CHSY3: variants seen among roughly 807,000 people sequenced by gnomAD.
CHSY3 encodes the protein chondroitin sulfate synthase 3.
A neutral mutation model predicts 67.2 loss-of-function variants in CHSY3; 35 were observed. That is an observed-to-expected ratio of 0.52 (90% CI 0.40 to 0.69). The LOEUF is 0.69. CHSY3 is among the 30% of genes least tolerant of loss of function. CHSY3 has a pLI of 0.00. For synonymous variants in CHSY3, 474 were observed against 434.7 expected (o/e 1.09, Z -1.12); for missense variants, 1,069 against 1,138.5 (o/e 0.94, Z 0.88).
intron 2 of CHSY3, among the ~76,000 whole-genome samples, chr5:129,985,693 G>T (rs191957104): frequency 6.6e-6 from 1 of 152,062 alleles, no homozygotes; most frequent in Admixed American, 6.6e-5. Flanking sequence ...TGTCATCTCT[G>T]ACTTCTTTGA....
At chr5:130,072,946 T>C (rs1284969302) in intron 2 of CHSY3, among the ~76,000 whole-genome samples, 2 of 151,982 alleles carry the variant, frequency 1.3e-5, no homozygotes, top group Non-Finnish European at 2.9e-5. Context: ...AAAATGTCAG[T>C]CTCCCAGAAA....
At chr5:129,914,403 G>A (rs32227) in intron 2 of CHSY3, among the ~76,000 whole-genome samples, 71,256 of 152,098 alleles carry the variant, frequency 0.47, 17,748 homozygotes, top group Middle Eastern at 0.59. Flanking sequence ...GTAAGCCACC[G>A]CGCCCAGCCA....
At chr5:130,113,632 A>G (rs1860065) in intron 2 of CHSY3, among the ~76,000 whole-genome samples, 10,126 of 152,166 alleles carry the variant, frequency 0.067, 893 homozygotes, top group African/African-American at 0.19. Context: ...TCCTTTGTCT[A>G]TTACAAGGCC....
intron 2 of CHSY3, among the ~76,000 whole-genome samples, chr5:130,009,467 G>A (rs541691586): frequency 3.3e-5 from 5 of 151,536 alleles, no homozygotes; most frequent in African/African-American, 1.2e-4. Flanking sequence ...CCTTAAAGGA[G>A]TGCTAGACAT....
intron 2 of CHSY3, among the ~76,000 whole-genome samples, chr5:130,100,452 C>G (rs747463398): frequency 1.3e-5 from 2 of 151,806 alleles, no homozygotes; most frequent in Non-Finnish European, 2.9e-5. Flanking sequence ...GCCTCGGCCT[C>G]CCAAAGTTGA....
At chr5:129,946,264 C>G (rs1761852678) in intron 2 of CHSY3, among the ~76,000 whole-genome samples, 1 of 152,060 alleles carries the variant, frequency 6.6e-6, no homozygotes, top group Non-Finnish European at 1.5e-5. Flanking sequence ...CTAAAGAATA[C>G]TTTTAAGGTC....
intron 2 of CHSY3, among the ~76,000 whole-genome samples, chr5:130,042,284 C>T (rs1765027575): frequency 6.6e-6 from 1 of 152,040 alleles, no homozygotes; most frequent in Non-Finnish European, 1.5e-5. Flanking sequence ...TTGCTACCTT[C>T]TAGCTTTTAA....
chr5:130,139,634 T>C (rs1215625352), intron 2 of CHSY3, among the ~76,000 whole-genome samples: 1 of 152,134 alleles, frequency 6.6e-6, no homozygotes. Context: ...ATCAAAACCA[T>C]ACAGTTCCAC....
At chr5:130,120,268 T>G (rs999361927) in intron 2 of CHSY3, among the ~76,000 whole-genome samples, 17 of 152,198 alleles carry the variant, frequency 1.1e-4, no homozygotes, top group African/African-American at 4.1e-4. Context: ...GGGACTTCCT[T>G]CAAACATTCC....
intron 2 of CHSY3, among the ~76,000 whole-genome samples, chr5:130,177,755 A>G (rs375825170): frequency 6.6e-6 from 1 of 152,212 alleles, no homozygotes; most frequent in East Asian, 1.9e-4. Context: ...GCTTTTATAG[A>G]ATAAGCCCTT....
At chr5:130,169,268 C>A (rs980279168) in intron 2 of CHSY3, among the ~76,000 whole-genome samples, 1 of 152,076 alleles carries the variant, frequency 6.6e-6, no homozygotes, top group Non-Finnish European at 1.5e-5. Context: ...AAATTTTTCA[C>A]TCTTAAATAT....
intron 2 of CHSY3, among the ~76,000 whole-genome samples, chr5:130,018,081 T>C (rs1228262961): frequency 6.6e-6 from 1 of 152,180 alleles, no homozygotes; most frequent in East Asian, 1.9e-4. Flanking sequence ...GGTTCTTTTG[T>C]TTTTTAACAG....
At chr5:130,064,350 G>T (rs976759358) in intron 2 of CHSY3, among the ~76,000 whole-genome samples, 4 of 152,088 alleles carry the variant, frequency 2.6e-5, no homozygotes, top group Non-Finnish European at 1.5e-5. Context: ...AAAAATTGAA[G>T]CTGACAGAAG....
rs117845871 is a variant in CHSY3, at chr5:129,987,496, A to G, written c.1086+79136A>G. 8.5e-5 allele frequency among the ~76,000 whole-genome samples: 13 copies of G among 152,232 alleles called. No homozygotes were observed. The East Asian group carries it at 2.5e-3, about 29-fold the overall frequency. On this transcript the variant is annotated intron_variant, in intron 2 of 2. Transcript: ENST00000305031. ...GTGATATCAACTCCTTTATAAGCAT[A>G]TTTTGGAGATTATCTTTTAATGAAA...
chr5:130,128,229 GGTGT>G (rs112570550), intron 2 of CHSY3, among the ~76,000 whole-genome samples: 107 of 147,474 alleles, frequency 7.3e-4, no homozygotes, highest in South Asian at 1.1e-3. Flanking sequence ...AAGAAAATGT[GGTGT>G]GTGTGTGTGT....
chr5:130,168,486 A>G (rs1403925540), intron 2 of CHSY3, among the ~76,000 whole-genome samples: 1 of 152,152 alleles, frequency 6.6e-6, no homozygotes, highest in Non-Finnish European at 1.5e-5. Context: ...TAAATAAGAT[A>G]TAAAAGCTCT....
chr5:130,061,247 A>C lies in CHSY3; in HGVS notation c.1087-122982A>C, dbSNP rs149570776. 1.7e-3 allele frequency among the ~76,000 whole-genome samples: 256 copies of C among 152,322 alleles called. 3 individuals carry two copies. In the East Asian group the frequency reaches 0.044, roughly 26 times the overall value. On this transcript the variant is annotated intron_variant, in intron 2 of 2. Transcript: ENST00000305031. ...CAATGGATCAGAATGGAGAACCCAG[A>C]TACAAAGCCACATATTTACAACCAA...
chr5:130,110,845 C>T (rs1279139082), intron 2 of CHSY3, among the ~76,000 whole-genome samples: 1 of 151,598 alleles, frequency 6.6e-6, no homozygotes, highest in Non-Finnish European at 1.5e-5. Context: ...CTTTAGAAAT[C>T]TTCATGTTTG....
intron 2 of CHSY3, among the ~76,000 whole-genome samples, chr5:129,955,484 C>A (rs1762145387): frequency 6.7e-6 from 1 of 150,210 alleles, no homozygotes; most frequent in African/African-American, 2.4e-5. Context: ...TTCCTTCCTC[C>A]TTTCTTTCCT....
Sources: gnomAD v4.1 joint callset for allele counts (sites outside exome capture counted in the v4.1 genomes callset) on GRCh38, gnomAD v4.1.1 for gene constraint, MANE v1.5 for transcripts, NCBI Gene and HGNC (gene_info 2026-07-23, HGNC 2026-07-21) for gene names.